The following ALDH6A1 variants were observed in gnomAD, a reference collection of about 807,000 sequenced individuals.
ALDH6A1 encodes methylmalonate-semialdehyde/malonate-semialdehyde dehydrogenase [acylating], mitochondrial.
ALDH6A1 carries 43 observed loss-of-function variants against 62.6 expected under a neutral mutation model. That is an observed-to-expected ratio of 0.69 (90% CI 0.54 to 0.89). The LOEUF is 0.89. Ranked by LOEUF, ALDH6A1 falls within the 40% of genes least tolerant of loss-of-function variation. ALDH6A1 has a pLI of 0.00. For synonymous variants in ALDH6A1, 194 were observed against 234.2 expected (o/e 0.83, Z 1.57); for missense variants, 551 against 661.3 (o/e 0.83, Z 1.83).
chr14:74,065,138 A>C (rs1218817851), intron 10 of ALDH6A1, 43 bp downstream of exon 10: 1 of 1,605,918 alleles, frequency 6.2e-7, no homozygotes, highest in Admixed American at 1.7e-5. Flanking sequence ...CTTAGGAAAT[A>C]GTAAATGGAT....
chr14:74,080,024 C>T (rs1021193881), intron 1 of ALDH6A1, among the ~76,000 whole-genome samples: 8 of 151,914 alleles, frequency 5.3e-5, no homozygotes, highest in Non-Finnish European at 1.2e-4. Flanking sequence ...GGTGACAGAG[C>T]GAGACCCTAT....
chr14:74,080,369 T>TG (rs1325489328), intron 1 of ALDH6A1, among the ~76,000 whole-genome samples: 1 of 27,466 alleles, frequency 3.6e-5, no homozygotes, highest in Non-Finnish European at 6.1e-5. Flanking sequence ...AAACTCTTTC[T>TG]TTTTTTTTTT....
At position 74,067,439 on chromosome 14, in the gene ALDH6A1, T is replaced by TC. The variant is rs763348517; in HGVS notation, c.982dup (p.Glu328GlyfsTer27). On this transcript the variant is annotated frameshift_variant, in exon 8 of 12. Coordinates refer to ENST00000553458, the MANE Select transcript of ALDH6A1 (RefSeq NM_005589.4). LOFTEE classifies it high-confidence loss of function. The stretch of plus-strand genomic sequence containing the variant: ...CAGCTCTGGCAGCCACTTCTTGGCT[T>TC]CTCCCACAAGGACTGCTGTTGAAAG... 1 of 1,614,108 alleles carries TC rather than the reference T, an allele frequency of 6.2e-7. No homozygotes were observed. Among genetic ancestry groups the TC allele is most frequent in the South Asian group, 1.1e-5 (1 of 91,056 alleles).
intron 1 of ALDH6A1, chr14:74,082,810 A>G (rs1471617690): frequency 6.6e-6 from 1 of 152,188 alleles, no homozygotes; most frequent in Non-Finnish European, 1.5e-5. Context: ...GTTTCTCCAA[A>G]TGAATCAGAA....
chr14:74,064,554 G>T, intron 11 of ALDH6A1: 1 of 791,190 alleles, frequency 1.3e-6, no homozygotes, highest in East Asian at 2.5e-5. Flanking sequence ...TGGGGAAGAG[G>T]GTCACACACT....
At chr14:74,074,340 G>C (rs577194127) in intron 2 of ALDH6A1, among the ~76,000 whole-genome samples, 1 of 148,732 alleles carries the variant, frequency 6.7e-6, no homozygotes, top group Non-Finnish European at 1.5e-5. Flanking sequence ...AGGCTGGAGT[G>C]CAATGGTGCG....
chr14:74,060,767 G>C, intron 11 of ALDH6A1, 21 bp from the exon 12 acceptor site: 1 of 1,528,230 alleles, frequency 6.5e-7, no homozygotes, highest in Non-Finnish European at 9.1e-7. Context: ...CAGAAAAAAA[G>C]TTAGCATATA....
chr14:74,071,287 C>T lies in ALDH6A1; in HGVS notation c.638G>A (p.Arg213Gln), dbSNP rs139008908. 8.7e-6 allele frequency: 14 copies of T among 1,614,172 alleles called. No homozygotes were observed. The highest frequency in any genetic ancestry group is 6.7e-5 in the African/African-American group (5 of 75,040). ...AAGAAGCATAGTTGCTCCAGGGACT[C>T]GCTCAGATGGTTTCATTAGGAAGGT... ...GNTFLMKPSERVPGATMLLAK... is the reference protein window; with the variant it reads ...GNTFLMKPSEQVPGATMLLAK... Residue 213 changes from arginine (R) to glutamine (Q), a missense_variant, in exon 6 of 12, where the codon CGA becomes CAA. Coordinates refer to ENST00000553458, the MANE Select transcript of ALDH6A1 (RefSeq NM_005589.4).
intron 1 of ALDH6A1, among the ~76,000 whole-genome samples, chr14:74,079,102 T>C (rs989013736): frequency 1.3e-5 from 2 of 151,860 alleles, no homozygotes; most frequent in Non-Finnish European, 2.9e-5. Flanking sequence ...TCTTTAGTCC[T>C]TGGCCAGTAT....
chr14:74,072,437 GCACTATGTGCTTTACAACAGA>G (rs1304203072), intron 3 of ALDH6A1, 73 bp from the exon 4 acceptor site: 25 of 1,612,816 alleles, frequency 1.6e-5, no homozygotes, highest in Middle Eastern at 1.6e-4. Flanking sequence ...CACAGAAGTG[GCACTATGTGCTTTACAACAGA>G]CACCCAGGTC....
chr14:74,066,158 T>C (rs1566829391), intron 9 of ALDH6A1: 1 of 163,190 alleles, frequency 6.1e-6, no homozygotes, highest in African/African-American at 2.4e-5. Flanking sequence ...GCAGTAGCCA[T>C]AAGCTAGGCA....
chr14:74,072,419 C>T, intron 3 of ALDH6A1, 55 bp from the exon 4 acceptor site: 4 of 1,613,862 alleles, frequency 2.5e-6, no homozygotes, highest in South Asian at 1.1e-5. Flanking sequence ...CTCCACTGTA[C>T]ATCCAGTCAC....
Position 74,057,958 on chromosome 14 carries a change from C to A in ALDH6A1, c.*2684G>T. The A allele has an allele frequency of 1.1e-6, 1 of 907,370 alleles. No homozygotes were observed. The highest frequency in any genetic ancestry group is 1.3e-6 in the Non-Finnish European group (1 of 756,274). 56.2% of individuals were successfully genotyped at this position (907,370 alleles called of 1,614,324 possible). On this transcript the variant is annotated 3_prime_UTR_variant, in exon 12 of 12. Coordinates refer to ENST00000553458, the MANE Select transcript of ALDH6A1 (RefSeq NM_005589.4). ...AAAATGTTAGGAATCTCTGTGACTA[C>A]ATTTAATTCCACTTGGAATATAGAC... is the stretch of plus-strand genomic sequence containing the variant.
chr14:74,079,823 C>G (rs950470101), intron 1 of ALDH6A1, among the ~76,000 whole-genome samples: 1 of 152,118 alleles, frequency 6.6e-6, no homozygotes, highest in African/African-American at 2.4e-5. Flanking sequence ...CCCACCTTGG[C>G]CTCCCAAAGT....
At position 74,074,819 on chromosome 14, in the gene ALDH6A1, G is replaced by A. The variant is rs1011282751; in HGVS notation, c.111+136C>T. 21 of 870,294 alleles carry A rather than the reference G, an allele frequency of 2.4e-5. No individual in the cohort carries two copies. The Admixed American group carries it at 4.4e-4, about 18-fold the overall frequency. The allele number at this position is 870,294 out of a possible 1,614,324, so 53.9% of individuals were successfully genotyped here. A position where few individuals can be genotyped will look rare whatever the true frequency, so the allele number is the denominator to read the frequency against. On this transcript the variant is annotated intron_variant, in intron 2 of 11. Transcript: ENST00000553458. ...TTGACATGGTAATCCATTTCAGGAGGGAAATAATCCAAAAGGAGGAAAAAA... is the reference window on the plus strand; with the variant it reads ...TTGACATGGTAATCCATTTCAGGAGAGAAATAATCCAAAAGGAGGAAAAAA...
rs2060473915 is a variant in ALDH6A1, at chr14:74,066,801, C to T, written c.1128G>A (p.Lys376=). 3.1e-6 allele frequency: 5 copies of T among 1,613,992 alleles called. No homozygotes were observed. In the South Asian group the frequency reaches 5.5e-5, roughly 18 times the overall value. ...CATCAAGAAGGATGGAAGCTCCCTC[C>T]TTTGTTCCACTATCAATCAGATTAC... The part of the protein sequence containing the change: ...RVCNLIDSGT[K]EGASILLDGR... The change falls in exon 9 of 12, where the codon AAG becomes AAA. Residue 376 remains lysine (K), a synonymous_variant. Coordinates refer to ENST00000553458, the MANE Select transcript of ALDH6A1 (RefSeq NM_005589.4).
intron 5 of ALDH6A1, 22 bp downstream of exon 5, chr14:74,071,874 C>G: frequency 6.2e-7 from 1 of 1,612,488 alleles, no homozygotes; most frequent in Non-Finnish European, 8.5e-7. Flanking sequence ...CCCAAAAGTC[C>G]CATAAGGGGC....
chr14:74,057,159 T>G lies in ALDH6A1; in HGVS notation c.*3483A>C, dbSNP rs927435973. The G allele has an allele frequency of 1.9e-6, 3 of 1,612,268 alleles. No individual in the cohort carries two copies. The African/African-American group carries it at 4.0e-5, about 22-fold the overall frequency. ...ATTATTGCAGGGATGAAAGTAAGCT[T>G]CAAGATAAAATCTTCATCACCCAGC... On this transcript the variant is annotated 3_prime_UTR_variant, in exon 12 of 12. Transcript: ENST00000553458.
intron 1 of ALDH6A1, 64 bp downstream of exon 1, chr14:74,084,283 C>G: frequency 6.2e-7 from 1 of 1,610,406 alleles, no homozygotes; most frequent in Non-Finnish European, 8.5e-7. Flanking sequence ...GAGGATGGCT[C>G]AGGGAGCGGA....
Sources: allele counts gnomAD v4.1 joint callset (sites outside exome capture counted in the v4.1 genomes callset), GRCh38; gene constraint gnomAD v4.1.1; transcripts MANE v1.5; gene names NCBI Gene and HGNC (gene_info 2026-07-23, HGNC 2026-07-21).